The following ATE1 variants were observed in gnomAD, a reference collection of about 807,000 sequenced individuals.
The protein encoded by ATE1 is arginyltransferase 1, also known as arginyl-tRNA--protein transferase 1.
A neutral mutation model predicts 70.5 loss-of-function variants in ATE1; 36 were observed. That is an observed-to-expected ratio of 0.51 (90% confidence interval 0.39 to 0.67). The LOEUF is 0.67. Among genes scored for constraint, ATE1 ranks in the 30% least tolerant of loss-of-function variants. ATE1 has a pLI of 0.00. For missense variants in ATE1, 593 were observed against 629.5 expected (o/e 0.94, Z 0.62); for synonymous variants, 232 against 219.3 (o/e 1.06, Z -0.51).
intron 7 of ATE1, among the ~76,000 whole-genome samples, chr10:121,891,259 T>A (rs1012443811): frequency 1.3e-5 from 2 of 152,074 alleles, no homozygotes; most frequent in Non-Finnish European, 2.9e-5. Context: ...ATGCCATTTA[T>A]ATAGCCCTCG....
chr10:121,904,789 A>C (rs1410328144), intron 5 of ATE1, among the ~76,000 whole-genome samples: 1 of 152,162 alleles, frequency 6.6e-6, no homozygotes, highest in East Asian at 1.9e-4. Flanking sequence ...GGCTTGCCTG[A>C]GACCATAAGC....
intron 8 of ATE1, 46 bp from the exon 9 acceptor site, chr10:121,841,309 A>G: frequency 8.3e-7 from 1 of 1,204,852 alleles, no homozygotes; most frequent in Non-Finnish European, 1.1e-6. Context: ...TAATATTAAA[A>G]TAATCTTATA....
chr10:121,780,669 T>C (rs72838017), intron 11 of ATE1, among the ~76,000 whole-genome samples: 2,797 of 152,320 alleles, frequency 0.018, 33 homozygotes, highest in Non-Finnish European at 0.029. Context: ...TGCTCTAAAG[T>C]CCAGCTGCAC....
At chr10:121,779,538 T>G (rs889259316) in intron 11 of ATE1, among the ~76,000 whole-genome samples, 3 of 152,192 alleles carry the variant, frequency 2.0e-5, no homozygotes, top group Admixed American at 6.5e-5. Flanking sequence ...AGGGTCTTTC[T>G]CTCTAAAACT....
intron 10 of ATE1, among the ~76,000 whole-genome samples, chr10:121,834,514 A>C (rs971099409): frequency 1.3e-5 from 2 of 152,206 alleles, no homozygotes; most frequent in Non-Finnish European, 2.9e-5. Flanking sequence ...TGAAAAGCAC[A>C]TAGGGTATTT....
chr10:121,761,752 T>A (rs890065453), intron 11 of ATE1, among the ~76,000 whole-genome samples: 3 of 152,162 alleles, frequency 2.0e-5, no homozygotes, highest in Admixed American at 6.5e-5. Flanking sequence ...TAGAAATCCA[T>A]CCTCTTCCCC....
At chr10:121,838,690 G>A (rs1948519555) in intron 9 of ATE1, among the ~76,000 whole-genome samples, 1 of 152,030 alleles carries the variant, frequency 6.6e-6, no homozygotes, top group Non-Finnish European at 1.5e-5. Context: ...TGGTCTGCTT[G>A]GACAAACCAG....
chr10:121,854,803 G>C (rs1949185311), intron 8 of ATE1, among the ~76,000 whole-genome samples: 1 of 152,200 alleles, frequency 6.6e-6, no homozygotes, highest in Non-Finnish European at 1.5e-5. Flanking sequence ...AACTCGGGCT[G>C]CAGCTGCACA....
chr10:121,893,582 T>C (rs1043099596), intron 7 of ATE1, among the ~76,000 whole-genome samples: 2 of 152,050 alleles, frequency 1.3e-5, no homozygotes, highest in East Asian at 1.9e-4. Flanking sequence ...ATGTAATATG[T>C]ATAACAATAA....
At position 121,926,747 on chromosome 10, in the gene ATE1, T is replaced by C. The variant is rs368536319; in HGVS notation, c.106+1097A>G. ...AGGCCATATTACCACTGTCACGATTTGGTGTACTTCCGGGCCTTCTTCCTT... is the reference window on the plus strand; with the variant it reads ...AGGCCATATTACCACTGTCACGATTCGGTGTACTTCCGGGCCTTCTTCCTT... On this transcript the variant is annotated intron_variant, in intron 1 of 11. Transcript: ENST00000224652. 2.2e-4 allele frequency: 218 copies of C among 985,450 alleles called. 1 individual carries two copies. The African/African-American group carries it at 3.6e-3, about 16-fold the overall frequency. The allele number at this position is 985,450 out of a possible 1,614,324, so 61.0% of individuals were successfully genotyped here.
At chr10:121,918,486 C>T (rs1444574954) in intron 3 of ATE1, among the ~76,000 whole-genome samples, 2 of 152,140 alleles carry the variant, frequency 1.3e-5, no homozygotes, top group East Asian at 1.9e-4. Context: ...TAGAATAGTG[C>T]TTTCCATGTA....
chr10:121,797,770 C>T (rs1189517055), intron 10 of ATE1, among the ~76,000 whole-genome samples: 10 of 152,208 alleles, frequency 6.6e-5, no homozygotes, highest in African/African-American at 1.9e-4. Flanking sequence ...CAGAGATTCT[C>T]ACTGACTGTT....
chr10:121,918,360 A>G (rs1951743014), intron 3 of ATE1, among the ~76,000 whole-genome samples: 1 of 152,126 alleles, frequency 6.6e-6, no homozygotes, highest in Non-Finnish European at 1.5e-5. Context: ...ATGATGTATA[A>G]TGAATTACAA....
At chr10:121,859,547 G>T (rs1037178502) in intron 8 of ATE1, among the ~76,000 whole-genome samples, 5 of 152,122 alleles carry the variant, frequency 3.3e-5, no homozygotes, top group Non-Finnish European at 5.9e-5. Flanking sequence ...TGAGCCACAA[G>T]TTATTATTTT....
chr10:121,892,576 G>C (rs11816682), intron 7 of ATE1, among the ~76,000 whole-genome samples: 1 of 149,630 alleles, frequency 6.7e-6, no homozygotes, highest in East Asian at 2.0e-4. Flanking sequence ...GCACCATCTC[G>C]GCTCACTGCA....
intron 11 of ATE1, among the ~76,000 whole-genome samples, chr10:121,760,732 T>C (rs1363407308): frequency 6.6e-6 from 1 of 152,230 alleles, no homozygotes; most frequent in African/African-American, 2.4e-5. Flanking sequence ...ATCAGCAGCA[T>C]GATCTGAGAA....
chr10:121,925,592 C>T (rs1219510273), intron 1 of ATE1, among the ~76,000 whole-genome samples: 3 of 151,966 alleles, frequency 2.0e-5, no homozygotes, highest in Non-Finnish European at 4.4e-5. Context: ...GAACTAAAGG[C>T]TTCATGAGGT....
intron 7 of ATE1, among the ~76,000 whole-genome samples, chr10:121,873,183 T>G (rs1016351976): frequency 1.3e-5 from 2 of 152,190 alleles, no homozygotes; most frequent in Admixed American, 6.5e-5. Flanking sequence ...CACTGTCAAT[T>G]TGATTCACTT....
At chr10:121,770,812 T>C (rs1281191971) in intron 11 of ATE1, among the ~76,000 whole-genome samples, 1 of 151,890 alleles carries the variant, frequency 6.6e-6, no homozygotes, top group Admixed American at 6.6e-5. Flanking sequence ...ATTCATTCTT[T>C]AAAAGAATCT....
Sources: allele counts gnomAD v4.1 joint callset (sites outside exome capture counted in the v4.1 genomes callset), GRCh38; gene constraint gnomAD v4.1.1; transcripts MANE v1.5; gene names NCBI Gene and HGNC (gene_info 2026-07-23, HGNC 2026-07-21).